AUTS2: variants seen among roughly 807,000 people sequenced by gnomAD.
AUTS2 encodes the protein activator of transcription and developmental regulator AUTS2.
Under a neutral mutation model 112.4 loss-of-function variants are expected in AUTS2, and 17 were observed. That is an observed-to-expected ratio of 0.15 (90% confidence interval 0.10 to 0.23). AUTS2 has a LOEUF of 0.23. Among genes scored for constraint, AUTS2 ranks in the 10% least tolerant of loss-of-function variants. AUTS2 has a pLI of 1.00. For synonymous variants in AUTS2, 751 were observed against 702.7 expected (o/e 1.07, Z -1.09); for missense variants, 1,510 against 1,701.6 (o/e 0.89, Z 1.98).
intron 2 of AUTS2, among the ~76,000 whole-genome samples, chr7:69,982,315 G>A (rs548775739): frequency 6.6e-6 from 1 of 152,164 alleles, no homozygotes; most frequent in African/African-American, 2.4e-5. Flanking sequence ...TCTCTCAGGG[G>A]ACTGAAGCAG....
chr7:70,127,443 A>G (rs1806038464), intron 3 of AUTS2, among the ~76,000 whole-genome samples: 1 of 151,912 alleles, frequency 6.6e-6, no homozygotes, highest in South Asian at 2.1e-4. Context: ...GGCCTATTTT[A>G]TTTCTGTTCT....
intron 1 of AUTS2, among the ~76,000 whole-genome samples, chr7:69,770,736 C>A (rs1233126454): frequency 2.6e-5 from 4 of 152,146 alleles, no homozygotes; most frequent in Non-Finnish European, 5.9e-5. Flanking sequence ...GCTGACATTT[C>A]CCCCTCCAGG....
chr7:69,940,003 C>T (rs550778416), intron 2 of AUTS2, among the ~76,000 whole-genome samples: 13 of 152,314 alleles, frequency 8.5e-5, no homozygotes, highest in African/African-American at 2.6e-4. Flanking sequence ...TCAGTGCTTA[C>T]TGTATGCAAG....
intron 4 of AUTS2, among the ~76,000 whole-genome samples, chr7:70,355,849 A>G (rs975343183): frequency 1.6e-4 from 25 of 152,088 alleles, no homozygotes; most frequent in Admixed American, 1.5e-3. Flanking sequence ...TGCTTCTGGA[A>G]CCATGCTGCC....
At chr7:70,382,204 T>A (rs953697733) in intron 4 of AUTS2, among the ~76,000 whole-genome samples, 8 of 152,222 alleles carry the variant, frequency 5.3e-5, no homozygotes, top group African/African-American at 1.9e-4. Flanking sequence ...CTGTCCTTGT[T>A]GAATCTCTAG....
intron 6 of AUTS2, among the ~76,000 whole-genome samples, chr7:70,737,921 A>G (rs1787865890): frequency 6.6e-6 from 1 of 152,204 alleles, no homozygotes; most frequent in Admixed American, 6.5e-5. Flanking sequence ...AGCAATAAAG[A>G]GAAGCATTTT....
intron 1 of AUTS2, among the ~76,000 whole-genome samples, chr7:69,893,180 G>A (rs1402632434): frequency 6.6e-6 from 1 of 152,186 alleles, no homozygotes; most frequent in Non-Finnish European, 1.5e-5. Flanking sequence ...GAATCTTAGG[G>A]ATTAATGTTT....
At chr7:69,725,062 A>G (rs1393363410) in intron 1 of AUTS2, among the ~76,000 whole-genome samples, 1 of 152,220 alleles carries the variant, frequency 6.6e-6, no homozygotes, top group African/African-American at 2.4e-5. Context: ...TCTCAGTACC[A>G]AGTAAATTCT....
At position 70,400,607 on chromosome 7, in the gene AUTS2, G is replaced by A. The variant is rs148389195; in HGVS notation, c.661-35145G>A. ...CAAGCTGAAAAGTCGCCTGATGTGC[G>A]ACCATGCCAAGCCGTGAAGATTGGC... On this transcript the variant is annotated intron_variant, in intron 4 of 18. Transcript: ENST00000342771. Among the ~76,000 whole-genome samples the A allele has an allele frequency of 9.9e-5, 15 of 152,232 alleles. 1 individual carries two copies. The highest frequency in any genetic ancestry group is 5.9e-4 in the Admixed American group (9 of 15,280).
At chr7:69,712,510 A>G (rs887525520) in intron 1 of AUTS2, among the ~76,000 whole-genome samples, 2 of 152,076 alleles carry the variant, frequency 1.3e-5, no homozygotes, top group Non-Finnish European at 2.9e-5. Context: ...GGCTTCTTTC[A>G]CTTAGCATAA....
intron 4 of AUTS2, among the ~76,000 whole-genome samples, chr7:70,396,270 T>C (rs966158209): frequency 6.6e-6 from 1 of 152,178 alleles, no homozygotes; most frequent in Non-Finnish European, 1.5e-5. Context: ...CTACCTGATA[T>C]ACCTTCTGTC....
At chr7:70,343,380 T>C (rs561163587) in intron 4 of AUTS2, among the ~76,000 whole-genome samples, 1 of 152,290 alleles carries the variant, frequency 6.6e-6, no homozygotes, top group East Asian at 1.9e-4. Flanking sequence ...AATACTGTGG[T>C]TTTCTGCTCA....
chr7:69,865,811 A>C (rs753830865), intron 1 of AUTS2, among the ~76,000 whole-genome samples: 1 of 152,112 alleles, frequency 6.6e-6, no homozygotes, highest in Non-Finnish European at 1.5e-5. Context: ...TTCCTGTCCA[A>C]ATTTTTCTCC....
intron 1 of AUTS2, among the ~76,000 whole-genome samples, chr7:69,619,167 A>T (rs1793530720): frequency 6.6e-6 from 1 of 152,080 alleles, no homozygotes; most frequent in South Asian, 2.1e-4. Context: ...AAGATTCTGG[A>T]GGGTAATGTC....
intron 2 of AUTS2, among the ~76,000 whole-genome samples, chr7:69,986,713 C>G (rs2129550906): frequency 6.6e-6 from 1 of 152,260 alleles, no homozygotes; most frequent in South Asian, 2.1e-4. Context: ...GTTTTCTGGA[C>G]AGTTATCCAA....
chr7:70,687,525 A>AGT (rs1176089809), intron 5 of AUTS2, among the ~76,000 whole-genome samples: 2 of 152,182 alleles, frequency 1.3e-5, no homozygotes, highest in African/African-American at 4.8e-5. Flanking sequence ...GAAGTTTGAA[A>AGT]GTAAAATTCC....
intron 1 of AUTS2, among the ~76,000 whole-genome samples, chr7:69,698,686 G>A (rs570642235): frequency 4.6e-5 from 7 of 152,144 alleles, no homozygotes; most frequent in African/African-American, 1.7e-4. Context: ...ATAATGTGTT[G>A]CCGAGTCAAT....
chr7:70,136,119 A>G (rs1447782591), intron 4 of AUTS2, among the ~76,000 whole-genome samples: 1 of 152,124 alleles, frequency 6.6e-6, no homozygotes, highest in Non-Finnish European at 1.5e-5. Context: ...TCTAGTTCCA[A>G]GAATGGTTAT....
chr7:70,257,073 C>T (rs6950849), intron 4 of AUTS2, among the ~76,000 whole-genome samples: 12,217 of 152,228 alleles, frequency 0.08, 632 homozygotes, highest in African/African-American at 0.13. Flanking sequence ...ACATGATGGT[C>T]CGGGCCTTCC....
Sources: gnomAD v4.1 joint callset for allele counts (sites outside exome capture counted in the v4.1 genomes callset) on GRCh38, gnomAD v4.1.1 for gene constraint, MANE v1.5 for transcripts, NCBI Gene and HGNC (gene_info 2026-07-23, HGNC 2026-07-21) for gene names.